The following TGFBR3 variants were observed in gnomAD, a reference collection of about 807,000 sequenced individuals.
The protein encoded by TGFBR3 is transforming growth factor beta receptor 3, also known as transforming growth factor beta receptor type 3.
Under a neutral mutation model 87.9 loss-of-function variants are expected in TGFBR3, and 46 were observed. That is an observed-to-expected ratio of 0.52 (90% CI 0.41 to 0.67). The LOEUF (loss-of-function observed/expected upper bound fraction) is 0.67. Ranked by LOEUF, TGFBR3 falls within the 30% of genes least tolerant of loss-of-function variation. The pLI, the probability that TGFBR3 is intolerant of heterozygous loss-of-function variation, is 0.00. For missense variants in TGFBR3, 866 were observed against 1,041.9 expected (o/e 0.83, Z 2.32); for synonymous variants, 381 against 391.6 (o/e 0.97, Z 0.32).
chr1:91,797,176 A>T (rs1402893765), intron 3 of TGFBR3, 111 bp downstream of exon 3: 1 of 1,169,626 alleles, frequency 8.5e-7, no homozygotes, highest in East Asian at 2.3e-5. Context: ...TCTTATGTTC[A>T]TACATGAGCT....
chr1:91,813,252 C>T (rs1216538051), intron 2 of TGFBR3, among the ~76,000 whole-genome samples: 1 of 152,034 alleles, frequency 6.6e-6, no homozygotes, highest in African/African-American at 2.4e-5. Flanking sequence ...AATGGCAAAC[C>T]ATCAAAGAAA....
intron 3 of TGFBR3, chr1:91,783,333 C>G (rs1394090361): frequency 6.6e-6 from 1 of 152,154 alleles, no homozygotes; most frequent in Non-Finnish European, 1.5e-5. Context: ...GGACTAGAAC[C>G]CTGTCTAATA....
intron 7 of TGFBR3, among the ~76,000 whole-genome samples, chr1:91,723,716 A>G (rs886137508): frequency 4.6e-5 from 7 of 152,192 alleles, no homozygotes; most frequent in African/African-American, 1.7e-4. Context: ...GGAAGGTACC[A>G]TATTTTCAAC....
chr1:91,797,984 A>G (rs1471763555), intron 2 of TGFBR3, among the ~76,000 whole-genome samples: 2 of 152,202 alleles, frequency 1.3e-5, no homozygotes, highest in African/African-American at 4.8e-5. Context: ...AGAGCTGTAC[A>G]GCAAAATTTG....
intron 2 of TGFBR3, among the ~76,000 whole-genome samples, chr1:91,892,105 A>T (rs1679463759): frequency 6.6e-6 from 1 of 152,150 alleles, no homozygotes; most frequent in South Asian, 2.1e-4. Flanking sequence ...CAAACTCACC[A>T]TTTCCTGTGA....
chr1:91,862,594 T>C (rs975753197), intron 1 of TGFBR3, among the ~76,000 whole-genome samples: 3 of 152,192 alleles, frequency 2.0e-5, no homozygotes, highest in Non-Finnish European at 4.4e-5. Flanking sequence ...TTTGCCTAAC[T>C]TGAATATTCC....
intron 3 of TGFBR3, among the ~76,000 whole-genome samples, chr1:91,785,758 G>A (rs1674933812): frequency 6.6e-6 from 1 of 151,536 alleles, no homozygotes; most frequent in South Asian, 2.1e-4. Flanking sequence ...CCCTTTGTTG[G>A]GCTTCTGTAC....
At chr1:91,809,435 G>A (rs898698336) in intron 2 of TGFBR3, among the ~76,000 whole-genome samples, 4 of 152,184 alleles carry the variant, frequency 2.6e-5, no homozygotes, top group Non-Finnish European at 5.9e-5. Flanking sequence ...GTGGCAAGAT[G>A]AGAAACTGTA....
chr1:91,806,211 T>C (rs953238953), intron 2 of TGFBR3, among the ~76,000 whole-genome samples: 3 of 152,080 alleles, frequency 2.0e-5, no homozygotes, highest in Non-Finnish European at 2.9e-5. Flanking sequence ...CGCTATAACA[T>C]CAATGTCTAA....
At chr1:91,718,114 G>A (rs1672240044) in intron 10 of TGFBR3, among the ~76,000 whole-genome samples, 1 of 152,074 alleles carries the variant, frequency 6.6e-6, no homozygotes, top group African/African-American at 2.4e-5. Flanking sequence ...CTGGTGTCTA[G>A]GAAAGATTAG....
At chr1:91,709,310 TG>T (rs955770110) in intron 13 of TGFBR3, among the ~76,000 whole-genome samples, 4 of 152,208 alleles carry the variant, frequency 2.6e-5, no homozygotes, top group African/African-American at 9.7e-5. Flanking sequence ...ACTTTAAACA[TG>T]CTCAGAACAC....
chr1:91,746,987 T>C (rs1362291889), intron 4 of TGFBR3, among the ~76,000 whole-genome samples: 1 of 152,132 alleles, frequency 6.6e-6, no homozygotes, highest in African/African-American at 2.4e-5. Context: ...CACTAGGAAA[T>C]ATGATATTAA....
chr1:91,891,976 T>G (rs184219966), intron 2 of TGFBR3, among the ~76,000 whole-genome samples: 3 of 152,324 alleles, frequency 2.0e-5, no homozygotes, highest in Admixed American at 1.3e-4. Context: ...TACAATCAGA[T>G]GAACCTGTAT....
rs146173646 is a variant in TGFBR3 at position 91,804,862 on chromosome 1, C to T, written c.62-7391G>A. Among the ~76,000 whole-genome samples the T allele has an allele frequency of 3.0e-3, 452 of 152,336 alleles. 2 individuals are homozygous for T. Among genetic ancestry groups the T allele is most frequent in the African/African-American group, 0.011 (442 of 41,568 alleles). On this transcript the variant is annotated intron_variant, in intron 2 of 16. Coordinates refer to ENST00000212355, the MANE Select transcript of TGFBR3 (RefSeq NM_003243.5). ...CCGTCTTCCCTACGCAATCTCTTCC[C>T]TGCAGTCAAGAGCCAAGTGAGTGAC...
Position 91,708,722 on chromosome 1 carries a change from T to C in TGFBR3, c.2228A>G (p.Gln743Arg), listed in dbSNP as rs1394129988. The change falls in exon 14 of 17, where the codon CAG becomes CGG. Residue 743 changes from glutamine (Q) to arginine (R), a missense_variant. By Grantham distance (43) the Gln-to-Arg change is conservative. Transcript: ENST00000212355. Reference protein sequence around the residue: ...LDASIIWAMMQNKKTFTKPLA... With the variant: ...LDASIIWAMMRNKKTFTKPLA... The stretch of plus-strand genomic sequence containing the variant: ...GGGCTTAGTGAACGTCTTCTTATTC[T>C]GCATCATGGCCCAGATTATCGAGGC... The C allele has an allele frequency of 6.2e-7, 1 of 1,614,088 alleles. No individual in the cohort carries two copies. Among genetic ancestry groups the C allele is most frequent in the Non-Finnish European group, 8.5e-7 (1 of 1,179,956 alleles).
intron 12 of TGFBR3, among the ~76,000 whole-genome samples, chr1:91,715,503 G>A (rs971036602): frequency 2.0e-5 from 3 of 152,158 alleles, no homozygotes; most frequent in Admixed American, 2.0e-4. Context: ...GCTCTAAAGA[G>A]TTAACTAACT....
At chr1:91,707,744 C>T (rs1331392908) in intron 14 of TGFBR3, among the ~76,000 whole-genome samples, 1 of 152,242 alleles carries the variant, frequency 6.6e-6, no homozygotes, top group Non-Finnish European at 1.5e-5. Context: ...CAGTTTGACA[C>T]CCTTAGATAT....
chr1:91,793,400 ACT>A (rs1187087747), intron 3 of TGFBR3, among the ~76,000 whole-genome samples: 2 of 152,182 alleles, frequency 1.3e-5, no homozygotes, highest in African/African-American at 4.8e-5. Context: ...ATGAAAACCA[ACT>A]ACTCCAGTCT....
rs539857176 is a variant in TGFBR3, at chr1:91,695,770, T to A, written c.2339A>T (p.His780Leu). The A allele has an allele frequency of 3.7e-6, 6 of 1,613,980 alleles. No homozygotes were observed. The highest frequency in any genetic ancestry group is 5.1e-6 in the Non-Finnish European group (6 of 1,179,968). Residue 780 changes from histidine to leucine, a missense_variant, in exon 16 of 17, where the codon CAT becomes CTT. Transcript: ENST00000212355. ...CATCACGGTTAGGGTGTCCAGACCA[T>A]GGAAAATTGCTATAAAGGAGAGAAA... ...EPNPISPPIF[H>L]GLDTLTVMGI...
Sources: allele counts gnomAD v4.1 joint callset (sites outside exome capture counted in the v4.1 genomes callset), GRCh38; gene constraint gnomAD v4.1.1; transcripts MANE v1.5; gene names NCBI Gene and HGNC (gene_info 2026-07-23, HGNC 2026-07-21).